The following PELI2 variants were observed in gnomAD, a reference collection of about 807,000 sequenced individuals.
The protein encoded by PELI2 is pellino E3 ubiquitin protein ligase family member 2.
In PELI2, 23 loss-of-function variants were observed where a neutral mutation model predicts 42.3. The ratio of observed to expected loss-of-function variants is 0.54; its 90% CI spans 0.39 to 0.77. PELI2 has a LOEUF of 0.77. Ranked by LOEUF, PELI2 falls within the 30% of genes least tolerant of loss-of-function variation. PELI2 has a pLI of 0.00. For missense variants in PELI2, 463 were observed against 553.2 expected (o/e 0.84, Z 1.64); for synonymous variants, 245 against 212.2 (o/e 1.15, Z -1.34).
chr14:56,209,195 T>C (rs10782430), intron 2 of PELI2, among the ~76,000 whole-genome samples: 61,327 of 152,096 alleles, frequency 0.4, 13,076 homozygotes, highest in South Asian at 0.53. Context: ...CCAATGGATT[T>C]TAACATCACA....
Position 56,250,297 on chromosome 14 carries a change from A to T in PELI2, c.208-29379A>T, listed in dbSNP as rs1034678027. The stretch of plus-strand genomic sequence containing the variant: ...AATACTAGAAGTTATATGGTGGCTT[A>T]GATGAGGTTTTCTAGAAGCAAAGTG... On this transcript the variant is annotated intron_variant, in intron 2 of 5. Transcript: ENST00000267460. 2.0e-5 allele frequency among the ~76,000 whole-genome samples: 3 copies of T among 152,250 alleles called. No homozygotes were observed. In the South Asian group the frequency reaches 6.2e-4, roughly 31 times the overall value.
At chr14:56,212,384 C>T (rs1284684245) in intron 2 of PELI2, among the ~76,000 whole-genome samples, 2 of 152,236 alleles carry the variant, frequency 1.3e-5, no homozygotes, top group African/African-American at 4.8e-5. Flanking sequence ...TTCAGTTGAT[C>T]ACTGAGCCTT....
intron 2 of PELI2, among the ~76,000 whole-genome samples, chr14:56,269,710 G>A (rs1889031302): frequency 6.6e-6 from 1 of 152,168 alleles, no homozygotes; most frequent in African/African-American, 2.4e-5. Flanking sequence ...TTGGATTGGA[G>A]ATTCAGCCCA....
intron 1 of PELI2, among the ~76,000 whole-genome samples, chr14:56,171,992 G>T (rs1168024541): frequency 6.6e-6 from 1 of 151,988 alleles, no homozygotes; most frequent in Non-Finnish European, 1.5e-5. Context: ...CTCCAGCCTG[G>T]GTGACAGAGG....
At chr14:56,165,349 TATTA>T (rs1297036812) in intron 1 of PELI2, among the ~76,000 whole-genome samples, 3 of 152,184 alleles carry the variant, frequency 2.0e-5, no homozygotes, top group African/African-American at 7.2e-5. Flanking sequence ...AATTTCTCGT[TATTA>T]ATTTCTACTT....
rs559893902 is a variant in PELI2 at position 56,213,319 on chromosome 14, T to G, written c.207+34855T>G. ...CTTTTATTTCTGTTTTGCCTCTTAC[T>G]TTTTGGGCCCAGGCAGAAGCTTTGC... On this transcript the variant is annotated intron_variant, in intron 2 of 5. Coordinates refer to ENST00000267460, the MANE Select transcript of PELI2 (RefSeq NM_021255.3). Among the ~76,000 whole-genome samples, 5 of 152,328 alleles carry G rather than the reference T, an allele frequency of 3.3e-5. No homozygotes were observed. In the South Asian group the frequency reaches 1.0e-3, roughly 32 times the overall value.
At chr14:56,215,269 T>C (rs1008698538) in intron 2 of PELI2, among the ~76,000 whole-genome samples, 1 of 152,242 alleles carries the variant, frequency 6.6e-6, no homozygotes, top group African/African-American at 2.4e-5. Context: ...TTTTAATGTG[T>C]CTTGGAGGCT....
intron 2 of PELI2, among the ~76,000 whole-genome samples, chr14:56,249,650 C>T (rs1317821945): frequency 6.6e-6 from 1 of 152,114 alleles, no homozygotes; most frequent in Non-Finnish European, 1.5e-5. Context: ...CTTGTGTTCC[C>T]CTGAGGAGGC....
In PELI2 at chr14:56,284,304, C is replaced by G. The variant is rs183973335; in HGVS notation, c.310-4133C>G. On this transcript the variant is annotated intron_variant, in intron 3 of 5. Transcript: ENST00000267460. ...CATAAACAAGGAAAGAAAGAAAAGT[C>G]TAACAAGAAAGTGAAACATAAAAGA... Among the ~76,000 whole-genome samples the G allele has an allele frequency of 2.6e-4, 40 of 152,202 alleles. No homozygotes were observed. The East Asian group carries it at 7.3e-3, about 28-fold the overall frequency.
At chr14:56,294,380 A>G (rs1889932310) in intron 5 of PELI2, among the ~76,000 whole-genome samples, 1 of 152,194 alleles carries the variant, frequency 6.6e-6, no homozygotes, top group African/African-American at 2.4e-5. Context: ...CTTGCAGCTC[A>G]TCGCAGGACA....
At chr14:56,249,046 G>A (rs151250394) in intron 2 of PELI2, among the ~76,000 whole-genome samples, 47 of 152,272 alleles carry the variant, frequency 3.1e-4, no homozygotes, top group African/African-American at 1.1e-3. Flanking sequence ...CTGTTAACAG[G>A]TAATCCCTGT....
intron 1 of PELI2, among the ~76,000 whole-genome samples, chr14:56,141,992 G>A (rs1454899531): frequency 6.6e-6 from 1 of 152,064 alleles, no homozygotes; most frequent in African/African-American, 2.4e-5. Flanking sequence ...GTGTAGTTCT[G>A]ATCTTTTCCA....
At chr14:56,157,546 A>G (rs1278289793) in intron 1 of PELI2, among the ~76,000 whole-genome samples, 1 of 152,166 alleles carries the variant, frequency 6.6e-6, no homozygotes, top group African/African-American at 2.4e-5. Flanking sequence ...CCCAAAAAAA[A>G]TCTCTCAGGG....
At chr14:56,136,221 C>A (rs1016343410) in intron 1 of PELI2, among the ~76,000 whole-genome samples, 1 of 152,062 alleles carries the variant, frequency 6.6e-6, no homozygotes, top group Non-Finnish European at 1.5e-5. Context: ...TTAGATTCTG[C>A]GTATTTGAGT....
At chr14:56,251,172 C>G (rs1477556534) in intron 2 of PELI2, among the ~76,000 whole-genome samples, 1 of 152,200 alleles carries the variant, frequency 6.6e-6, no homozygotes, top group Non-Finnish European at 1.5e-5. Flanking sequence ...TAGTAGCCAG[C>G]ACTCAGCTGC....
chr14:56,156,271 C>A (rs966590006), intron 1 of PELI2, among the ~76,000 whole-genome samples: 2 of 151,932 alleles, frequency 1.3e-5, no homozygotes, highest in Admixed American at 6.6e-5. Flanking sequence ...CAAAATGTGT[C>A]CCTAGAAAAA....
At chr14:56,179,857 CT>C (rs1885518843) in intron 2 of PELI2, among the ~76,000 whole-genome samples, 1 of 152,084 alleles carries the variant, frequency 6.6e-6, no homozygotes, top group Non-Finnish European at 1.5e-5. Flanking sequence ...GTTGACATTT[CT>C]TTTGTTTCCT....
chr14:56,162,223 A>T (rs552670543), intron 1 of PELI2, among the ~76,000 whole-genome samples: 6 of 147,188 alleles, frequency 4.1e-5, no homozygotes, highest in African/African-American at 1.2e-4. Context: ...TCATTTTTCT[A>T]TTTTTTTTTT....
intron 2 of PELI2, 36 bp from the exon 3 acceptor site, chr14:56,279,640 G>T (rs1049904125): frequency 2.5e-6 from 3 of 1,188,776 alleles, no homozygotes; most frequent in Non-Finnish European, 2.5e-6. Context: ...TGTTGAAATG[G>T]AATTGTAATG....
Sources: gnomAD v4.1 joint callset for allele counts (sites outside exome capture counted in the v4.1 genomes callset) on GRCh38, gnomAD v4.1.1 for gene constraint, MANE v1.5 for transcripts, NCBI Gene and HGNC (gene_info 2026-07-23, HGNC 2026-07-21) for gene names.